The following SPMAP2L variants were observed in gnomAD, a reference collection of about 807,000 sequenced individuals.
SPMAP2L encodes sperm microtubule associated protein 2 like, also known as sperm microtubule associated protein 2-like.
At chr4:56,618,309 A>G in the SPMAP2L span, among the ~76,000 whole-genome samples, 1 of 152,224 alleles carries the variant, frequency 6.6e-6, no homozygotes, top group Non-Finnish European at 1.5e-5. Context: ...GAAAGTATGA[A>G]AATACATTGC....
chr4:56,536,101 C>T, the SPMAP2L span, among the ~76,000 whole-genome samples: 36 of 152,226 alleles, frequency 2.4e-4, no homozygotes, highest in Non-Finnish European at 4.6e-4. Context: ...TGCTCCCCTG[C>T]CACTCACCTC....
At chr4:56,602,175 G>A in the SPMAP2L span, among the ~76,000 whole-genome samples, 6 of 152,152 alleles carry the variant, frequency 3.9e-5, no homozygotes, top group African/African-American at 9.6e-5. Flanking sequence ...TAACTTGCCC[G>A]AGCCTCAATT....
the SPMAP2L span, among the ~76,000 whole-genome samples, chr4:56,568,578 C>A: frequency 2.6e-5 from 4 of 151,906 alleles, no homozygotes; most frequent in South Asian, 8.3e-4. Context: ...GCCTATAATC[C>A]CACTTTGGGA....
At chr4:56,567,956 G>A in the SPMAP2L span, among the ~76,000 whole-genome samples, 1 of 151,854 alleles carries the variant, frequency 6.6e-6, no homozygotes, top group Non-Finnish European at 1.5e-5. Flanking sequence ...CTTCTTTGCG[G>A]GCTCTAGTTG....
At chr4:56,567,271 AT>A in the SPMAP2L span, among the ~76,000 whole-genome samples, 4 of 149,126 alleles carry the variant, frequency 2.7e-5, no homozygotes, top group Admixed American at 6.7e-5. Context: ...CTTTAATAAT[AT>A]TTTTTTTTAA....
chr4:56,584,944 T>A, the SPMAP2L span, among the ~76,000 whole-genome samples: 2 of 152,290 alleles, frequency 1.3e-5, no homozygotes, highest in East Asian at 1.9e-4. Flanking sequence ...TAGGGGCAAG[T>A]CAGCAGTTCC....
the SPMAP2L span, among the ~76,000 whole-genome samples, chr4:56,542,206 G>A: frequency 6.6e-6 from 1 of 152,180 alleles, no homozygotes; most frequent in Non-Finnish European, 1.5e-5. Flanking sequence ...GCACTAGCAG[G>A]CAACAGAGAA....
chr4:56,625,400 T>C, the SPMAP2L span, among the ~76,000 whole-genome samples: 2 of 152,098 alleles, frequency 1.3e-5, no homozygotes, highest in African/African-American at 4.8e-5. Flanking sequence ...TGGGAAGGCA[T>C]GATTGGTTTT....
chr4:56,547,015 G>A, the SPMAP2L span, among the ~76,000 whole-genome samples: 4 of 152,096 alleles, frequency 2.6e-5, no homozygotes, highest in African/African-American at 9.7e-5. Context: ...AGAGACCTTC[G>A]TCATTTGTGT....
the SPMAP2L span, among the ~76,000 whole-genome samples, chr4:56,609,178 G>C: frequency 6.6e-6 from 1 of 151,590 alleles, no homozygotes; most frequent in Non-Finnish European, 1.5e-5. Flanking sequence ...GAGTAGCTGG[G>C]ATTACAGGTA....
the SPMAP2L span, among the ~76,000 whole-genome samples, chr4:56,599,796 T>C: frequency 6.6e-6 from 1 of 152,340 alleles, no homozygotes; most frequent in South Asian, 2.1e-4. Flanking sequence ...CTTTATCCAG[T>C]CTATCATTGA....
chr4:56,588,004 G>A, the SPMAP2L span, among the ~76,000 whole-genome samples: 2 of 152,224 alleles, frequency 1.3e-5, no homozygotes, highest in African/African-American at 4.8e-5. Context: ...TTTTGATTAC[G>A]GCCATTCTTG....
At chr4:56,604,414 C>G in the SPMAP2L span, among the ~76,000 whole-genome samples, 1 of 152,152 alleles carries the variant, frequency 6.6e-6, no homozygotes, top group South Asian at 2.1e-4. Flanking sequence ...AATCCTAGCA[C>G]TTTGGGAGGC....
At chr4:56,567,908 T>G in the SPMAP2L span, among the ~76,000 whole-genome samples, 2 of 152,192 alleles carry the variant, frequency 1.3e-5, no homozygotes, top group Non-Finnish European at 2.9e-5. Context: ...TTGGAAAACT[T>G]TCAGTTATTA....
the SPMAP2L span, among the ~76,000 whole-genome samples, chr4:56,620,323 G>A: frequency 6.6e-6 from 1 of 151,674 alleles, no homozygotes; most frequent in Non-Finnish European, 1.5e-5. Flanking sequence ...AGAGATTTTT[G>A]GTTTATTTGG....
the SPMAP2L span, among the ~76,000 whole-genome samples, chr4:56,598,445 T>A: frequency 2.4e-4 from 37 of 152,142 alleles, no homozygotes; most frequent in African/African-American, 8.7e-4. Flanking sequence ...GGTGTTGACA[T>A]GTGCTATGAA....
At chr4:56,609,529 G>A in the SPMAP2L span, among the ~76,000 whole-genome samples, 1 of 152,172 alleles carries the variant, frequency 6.6e-6, no homozygotes, top group Non-Finnish European at 1.5e-5. Flanking sequence ...TGAAAAGAAT[G>A]TATTTTGTAA....
chr4:56,532,129 C>T, the SPMAP2L span, among the ~76,000 whole-genome samples: 10 of 152,316 alleles, frequency 6.6e-5, no homozygotes, highest in Admixed American at 1.3e-4. Context: ...CTGGCAAGCT[C>T]ACTTTATTCC....
the SPMAP2L span, among the ~76,000 whole-genome samples, chr4:56,578,301 A>G: frequency 1.3e-5 from 2 of 152,190 alleles, no homozygotes; most frequent in Non-Finnish European, 2.9e-5. Flanking sequence ...TCTGAACTAG[A>G]TTGTTGTAAG....
Sources: allele counts gnomAD v4.1 joint callset (sites outside exome capture counted in the v4.1 genomes callset), GRCh38; gene constraint gnomAD v4.1.1; transcripts MANE v1.5; gene names NCBI Gene and HGNC (gene_info 2026-07-23, HGNC 2026-07-21).